DOCK9: variants seen among roughly 807,000 people sequenced by gnomAD.
The protein encoded by DOCK9 is dedicator of cytokinesis 9.
In DOCK9, 89 loss-of-function variants were observed where a neutral mutation model predicts 263.3. That is an observed-to-expected ratio of 0.34 (90% CI 0.28 to 0.40). The LOEUF is 0.40. DOCK9 is among the 10% of genes least tolerant of loss of function. The pLI is 1.00. For missense variants in DOCK9, 2,140 were observed against 2,603.4 expected, an observed-to-expected ratio of 0.82 and a Z score of 3.87; for synonymous variants, 976 against 973.1, an observed-to-expected ratio of 1.00 and a Z score of -0.06.
At chr13:98,935,998 C>T (rs1221891306) in intron 2 of DOCK9, among the ~76,000 whole-genome samples, 11 of 152,074 alleles carry the variant, frequency 7.2e-5, no homozygotes, top group Non-Finnish European at 1.3e-4. Context: ...AATGCACAGC[C>T]GGTGTAGTAT....
chr13:99,005,927 G>T (rs1883258659), intron 1 of DOCK9, among the ~76,000 whole-genome samples: 1 of 152,090 alleles, frequency 6.6e-6, no homozygotes, highest in Non-Finnish European at 1.5e-5. Context: ...AACCCTGAGG[G>T]GAAAAGACAA....
At chr13:98,856,076 C>A (rs2093699927) in intron 33 of DOCK9, 45 bp from the exon 34 acceptor site, 1 of 1,600,926 alleles carries the variant, frequency 6.2e-7, no homozygotes, top group Non-Finnish European at 8.5e-7. Flanking sequence ...TAAGACAGAA[C>A]AAAATAAAGA....
intron 1 of DOCK9, among the ~76,000 whole-genome samples, chr13:99,074,937 C>T (rs185278895): frequency 6.6e-6 from 1 of 152,138 alleles, no homozygotes; most frequent in Non-Finnish European, 1.5e-5. Flanking sequence ...CAACACTCAC[C>T]ACAAAAGCTA....
chr13:98,868,100 A>G (rs2094088211), intron 28 of DOCK9, 89 bp from the exon 29 acceptor site: 1 of 1,526,802 alleles, frequency 6.5e-7, no homozygotes. Context: ...TAATAAGTTT[A>G]TCCACTGACA....
chr13:99,035,705 G>A (rs960304703), intron 1 of DOCK9, among the ~76,000 whole-genome samples: 1 of 152,122 alleles, frequency 6.6e-6, no homozygotes, highest in African/African-American at 2.4e-5. Context: ...ATAAGGCATT[G>A]TTTTTTGATC....
intron 32 of DOCK9, among the ~76,000 whole-genome samples, chr13:98,862,743 C>T (rs1390999470): frequency 6.6e-6 from 1 of 151,850 alleles, no homozygotes; most frequent in Non-Finnish European, 1.5e-5. Context: ...CCATGGAGAA[C>T]GAACACCAAG....
chr13:98,977,343 T>C lies in DOCK9; in HGVS notation c.126+441A>G, dbSNP rs148535197. Among the ~76,000 whole-genome samples the C allele has an allele frequency of 3.0e-3, 458 of 152,348 alleles. 1 individual carries two copies. Among genetic ancestry groups the C allele is most frequent in the African/African-American group, 0.01 (418 of 41,590 alleles). ...TTTATCCTTTCTAAACTATGTAATATTTCCAACAGTTATGTTCCTTAAAAC... is the reference window on the plus strand; with the variant it reads ...TTTATCCTTTCTAAACTATGTAATACTTCCAACAGTTATGTTCCTTAAAAC... On this transcript the variant is annotated intron_variant, in intron 1 of 52. Coordinates refer to ENST00000682017, the MANE Select transcript of DOCK9 (RefSeq NM_001366683.2).
intron 35 of DOCK9, 47 bp downstream of exon 35, chr13:98,853,361 C>G (rs1470460367): frequency 1.6e-6 from 2 of 1,288,568 alleles, no homozygotes; most frequent in Admixed American, 4.2e-5. Context: ...ACCAAACAAA[C>G]CAAGTGCTGA....
chr13:98,960,606 G>A (rs2058525945), intron 1 of DOCK9, among the ~76,000 whole-genome samples: 1 of 152,202 alleles, frequency 6.6e-6, no homozygotes. Context: ...AAATCAGAAA[G>A]GGAGAGGTAG....
intron 2 of DOCK9, among the ~76,000 whole-genome samples, chr13:98,951,903 C>CTTTTTTTTTTTTTTTTTTTTTT (rs71114563): frequency 8.2e-5 from 11 of 134,910 alleles, no homozygotes; most frequent in South Asian, 2.5e-4. Context: ...TTAATATTCC[C>CTTTTTTTTTTTTTTTTTTTTTT]TTTTTTTTTT....
intron 1 of DOCK9, among the ~76,000 whole-genome samples, chr13:99,006,823 G>A (rs1263978995): frequency 6.6e-6 from 1 of 152,168 alleles, no homozygotes; most frequent in Non-Finnish European, 1.5e-5. Context: ...GGGGTGTGGT[G>A]GCTCACACCT....
intron 22 of DOCK9, 129 bp from the exon 23 acceptor site, chr13:98,883,260 T>G: frequency 1.2e-6 from 1 of 858,412 alleles, no homozygotes; most frequent in Non-Finnish European, 1.8e-6. Flanking sequence ...TGTTGCTGTT[T>G]TTTTTGAGAC....
Position 98,868,350 on chromosome 13 carries a change from A to T in DOCK9, c.2971T>A (p.Ser991Thr), listed in dbSNP as rs1374984965. 6.2e-7 allele frequency: 1 copy of T among 1,612,926 alleles called. No individual in the cohort carries two copies. Among genetic ancestry groups the T allele is most frequent in the East Asian group, 2.2e-5 (1 of 44,880 alleles). ...KLLRNQRFPA[S>T]YHHAVETVVN... ...ACGGTTTCCACTGCATGATGATAGGATGCAGGAAATCTCTGGTTTCGCAGC... is the reference window on the plus strand; with the variant it reads ...ACGGTTTCCACTGCATGATGATAGGTTGCAGGAAATCTCTGGTTTCGCAGC... Residue 991 changes from serine (S) to threonine (T), a missense_variant, in exon 28 of 53, where the codon TCC (serine) becomes ACC (threonine). Physicochemically the swap from Ser to Thr is moderately conservative, Grantham distance 58 (BLOSUM62 1). Around this residue, in one of 2 missense-constraint regions of DOCK9, gnomAD observed 1,521 missense variants for 1,741.7 expected, o/e 0.87. Transcript: ENST00000682017.
At chr13:98,842,764 G>A (rs1281312450) in intron 38 of DOCK9, among the ~76,000 whole-genome samples, 2 of 152,114 alleles carry the variant, frequency 1.3e-5, no homozygotes, top group African/African-American at 4.8e-5. Context: ...TACACAATGA[G>A]CACAAATTAC....
At position 98,805,203 on chromosome 13, in the gene DOCK9, G is replaced by A. The variant is rs1343082282; in HGVS notation, c.5521C>T (p.Pro1841Ser). ...GCATACTTAGAATCCAGATCCTTAG[G>A]GTTGACCTTTAATTGAAACAGCACA... ...KMIQDSGKVNPKDLDSKYAYI... is the reference protein window; with the variant it reads ...KMIQDSGKVNSKDLDSKYAYI... Residue 1841 changes from proline to serine, a missense_variant, in exon 49 of 53, where the codon CCT (proline) becomes TCT (serine). Coordinates refer to ENST00000682017, the MANE Select transcript of DOCK9 (RefSeq NM_001366683.2). 4.4e-6 allele frequency: 7 copies of A among 1,594,042 alleles called. No homozygotes were observed. The highest frequency in any genetic ancestry group is 2.7e-5 in the African/African-American group (2 of 74,730).
At chr13:98,828,326 GTTCTTCCTTTC>G (rs968576576) in intron 43 of DOCK9, among the ~76,000 whole-genome samples, 48 of 152,176 alleles carry the variant, frequency 3.2e-4, no homozygotes, top group Non-Finnish European at 6.5e-4. Context: ...AGCTTAGTAA[GTTCTTCCTTTC>G]TTTTTTTGAG....
chr13:98,912,341 T>A (rs1486492313), intron 9 of DOCK9, among the ~76,000 whole-genome samples: 5 of 152,218 alleles, frequency 3.3e-5, no homozygotes, highest in Non-Finnish European at 7.3e-5. Context: ...GGGCTGCTTA[T>A]ATCAGTGTAC....
chr13:99,028,920 T>C (rs1296390911), intron 1 of DOCK9, among the ~76,000 whole-genome samples: 1 of 152,190 alleles, frequency 6.6e-6, no homozygotes, highest in Non-Finnish European at 1.5e-5. Context: ...GGCTGGCCAA[T>C]TATATAGGTA....
intron 2 of DOCK9, chr13:98,950,540 C>A: frequency 2.9e-6 from 1 of 344,328 alleles, no homozygotes; most frequent in Non-Finnish European, 5.2e-6. Context: ...TAGGCTTAAG[C>A]AATCCTCCCA....
Sources: gnomAD v4.1 joint callset for allele counts (sites outside exome capture counted in the v4.1 genomes callset) on GRCh38, gnomAD v4.1.1 for gene constraint, gnomAD v4.1.1 regional missense constraint, MANE v1.5 for transcripts, NCBI Gene and HGNC (gene_info 2026-07-23, HGNC 2026-07-21) for gene names.